Variants in UBE2E3 observed in about 807,000 individuals in gnomAD.
The protein encoded by UBE2E3 is ubiquitin-conjugating enzyme E2 E3.
Under a neutral mutation model 23.6 loss-of-function variants are expected in UBE2E3, and 5 were observed. That is an observed-to-expected ratio of 0.21 (90% CI 0.11 to 0.44). The LOEUF (loss-of-function observed/expected upper bound fraction) is 0.44. Among genes scored for constraint, UBE2E3 ranks in the 20% least tolerant of loss-of-function variants. The pLI, the probability that UBE2E3 is intolerant of heterozygous loss-of-function variation, is 0.99. For missense variants in UBE2E3, 81 were observed against 249.8 expected (o/e 0.32, Z 4.55); for synonymous variants, 78 against 87.5 (o/e 0.89, Z 0.60).
intron 3 of UBE2E3, among the ~76,000 whole-genome samples, chr2:180,991,672 T>C (rs1445862750): frequency 6.6e-6 from 1 of 152,212 alleles, no homozygotes; most frequent in Non-Finnish European, 1.5e-5. Context: ...TTTTAGCTCA[T>C]CAGCTATTGT....
At chr2:180,988,781 ACTCT>A (rs562692831) in intron 3 of UBE2E3, among the ~76,000 whole-genome samples, 2 of 151,768 alleles carry the variant, frequency 1.3e-5, no homozygotes, top group African/African-American at 2.4e-5. Flanking sequence ...TTGGTTTTAA[ACTCT>A]CTCACACATG....
chr2:181,008,723 T>G (rs1160778819), intron 3 of UBE2E3, among the ~76,000 whole-genome samples: 1 of 152,208 alleles, frequency 6.6e-6, no homozygotes, highest in African/African-American at 2.4e-5. Context: ...TCAGTGGGAA[T>G]GCTTAGAGCA....
At chr2:181,019,779 A>G (rs1255426839) in intron 3 of UBE2E3, among the ~76,000 whole-genome samples, 1 of 152,230 alleles carries the variant, frequency 6.6e-6, no homozygotes, top group African/African-American at 2.4e-5. Context: ...AATAATCACC[A>G]TAAGCTAGTT....
chr2:181,015,255 C>A (rs1055330340), intron 3 of UBE2E3, among the ~76,000 whole-genome samples: 1 of 152,052 alleles, frequency 6.6e-6, no homozygotes, highest in African/African-American at 2.4e-5. Flanking sequence ...ATTTATGGCC[C>A]AATATTTTAA....
intron 3 of UBE2E3, among the ~76,000 whole-genome samples, chr2:181,029,412 TC>T (rs1685999114): frequency 6.6e-6 from 1 of 152,154 alleles, no homozygotes; most frequent in Non-Finnish European, 1.5e-5. Context: ...ATTTTCTTTT[TC>T]ATAAACATAC....
intron 3 of UBE2E3, among the ~76,000 whole-genome samples, chr2:181,024,648 A>T (rs925336557): frequency 6.6e-6 from 1 of 152,096 alleles, no homozygotes; most frequent in Admixed American, 6.6e-5. Context: ...ACATTTTATT[A>T]TGAAAATGTG....
intron 3 of UBE2E3, among the ~76,000 whole-genome samples, chr2:181,045,180 A>G (rs542257760): frequency 6.6e-6 from 1 of 152,220 alleles, no homozygotes; most frequent in Non-Finnish European, 1.5e-5. Flanking sequence ...TGTGCTGTGT[A>G]TGAGTAAGAA....
At chr2:181,021,594 C>CCCTCCCTCCCTTCCTCCCTT (rs1685690356) in intron 3 of UBE2E3, among the ~76,000 whole-genome samples, 1 of 92,064 alleles carries the variant, frequency 1.1e-5, no homozygotes. Context: ...CTTCCTTCCT[C>CCCTCCCTCCCTTCCTCCCTT]CCTCCCTTCC....
At chr2:181,060,438 A>G (rs1191752473) in intron 4 of UBE2E3, among the ~76,000 whole-genome samples, 1 of 151,746 alleles carries the variant, frequency 6.6e-6, no homozygotes, top group Admixed American at 6.6e-5. Context: ...TTATTTAAGT[A>G]TAACTGATCA....
intron 3 of UBE2E3, among the ~76,000 whole-genome samples, chr2:181,025,206 T>C (rs1394079263): frequency 6.6e-6 from 1 of 151,942 alleles, no homozygotes; most frequent in Non-Finnish European, 1.5e-5. Flanking sequence ...CCAGACTACT[T>C]TGCACAATTA....
chr2:180,984,731 A>G (rs901096807), intron 3 of UBE2E3, among the ~76,000 whole-genome samples: 5 of 152,194 alleles, frequency 3.3e-5, no homozygotes, highest in Non-Finnish European at 7.4e-5. Context: ...AATTGTGGGA[A>G]TTCATTTTAG....
chr2:181,039,221 G>A (rs1052544292), intron 3 of UBE2E3, among the ~76,000 whole-genome samples: 2 of 146,494 alleles, frequency 1.4e-5, no homozygotes, highest in Admixed American at 7.0e-5. Flanking sequence ...CATGGTTGTA[G>A]TGATGTTACA....
intron 2 of UBE2E3, 39 bp downstream of exon 2, chr2:180,982,275 T>C (rs761776023): frequency 1.3e-6 from 2 of 1,579,784 alleles, no homozygotes; most frequent in Non-Finnish European, 1.7e-6. Flanking sequence ...CTTTGTCAGG[T>C]TGTCTTCCAG....
rs749868230 is a variant in UBE2E3, at chr2:180,982,195, C to G, written c.153C>G (p.Leu51=). ...CCCAGCAGAAGAAAAACACCAAACT[C>G]TCTAGCAAAACCACTGCTAAGTTAT... The part of the protein sequence containing the change: ...SATQQKKNTK[L]SSKTTAKLST... The change falls in exon 2 of 6, where the codon CTC becomes CTG. Residue 51 remains leucine, a synonymous_variant. Coordinates refer to ENST00000410062, the MANE Select transcript of UBE2E3 (RefSeq NM_006357.4). 1.9e-6 allele frequency: 3 copies of G among 1,611,926 alleles called. No homozygotes were observed. Among genetic ancestry groups the G allele is most frequent in the African/African-American group, 1.3e-5 (1 of 74,586 alleles).
In UBE2E3 at chr2:180,980,696, C is replaced by T. The variant is rs1684244996; in HGVS notation, c.-303C>T. ...CGGGGGTCTCCCGCGTCCCCTCCGC[C>T]TCGCCGGGAGCTCGCGCCCTCGCCC... On this transcript the variant is annotated 5_prime_UTR_variant, in exon 1 of 6. Coordinates refer to ENST00000410062, the MANE Select transcript of UBE2E3 (RefSeq NM_006357.4). This position sits in a 1 kb window ranked among gnomAD's most constrained non-coding sequence, Gnocchi z 5.5. 1 of 148,342 alleles carries T rather than the reference C, an allele frequency of 6.7e-6. No individual in the cohort carries two copies. Among genetic ancestry groups the T allele is most frequent in the African/African-American group, 2.5e-5 (1 of 40,774 alleles). The allele number at this position is 148,342 out of a possible 1,614,324, so 9.2% of individuals were successfully genotyped here.
intron 3 of UBE2E3, among the ~76,000 whole-genome samples, chr2:181,041,229 C>T (rs1340829445): frequency 9.7e-5 from 5 of 51,546 alleles, no homozygotes; most frequent in East Asian, 1.1e-3. Context: ...AGCAAGACTC[C>T]GTCTCAAAAA....
At chr2:181,061,765 G>A (rs955759581) in intron 5 of UBE2E3, among the ~76,000 whole-genome samples, 9 of 136,064 alleles carry the variant, frequency 6.6e-5, no homozygotes, top group African/African-American at 1.1e-4. Context: ...ATTTTGTTTC[G>A]TTATGTGACC....
chr2:180,999,030 A>C (rs937425953), intron 3 of UBE2E3, among the ~76,000 whole-genome samples: 1 of 152,188 alleles, frequency 6.6e-6, no homozygotes, highest in Non-Finnish European at 1.5e-5. Flanking sequence ...AGCATAAGAA[A>C]AGATGGGAAG....
At chr2:180,995,329 T>A (rs570541590) in intron 3 of UBE2E3, among the ~76,000 whole-genome samples, 1 of 152,340 alleles carries the variant, frequency 6.6e-6, no homozygotes, top group East Asian at 1.9e-4. Context: ...TGTAGGTGCC[T>A]GCCATTTCAG....
Sources: allele counts gnomAD v4.1 joint callset (sites outside exome capture counted in the v4.1 genomes callset), GRCh38; gene constraint gnomAD v4.1.1; non-coding constraint Gnocchi (gnomAD v3.1); transcripts MANE v1.5; gene names NCBI Gene and HGNC (gene_info 2026-07-23, HGNC 2026-07-21).